GEMIN6: variants seen among roughly 807,000 people sequenced by gnomAD.
GEMIN6 encodes the protein gem nuclear organelle associated protein 6, also known as gem-associated protein 6.
Under a neutral mutation model 14.1 loss-of-function variants are expected in GEMIN6, and 13 were observed. That is an observed-to-expected ratio of 0.92 (90% confidence interval 0.60 to 1.46). The LOEUF (loss-of-function observed/expected upper bound fraction) is 1.46, where lower values mean the gene tolerates loss of function less well. GEMIN6 is among the 40% of genes most tolerant of loss of function. The probability of loss-of-function intolerance (pLI) is 0.00; values close to 1 mark genes in which losing one functional copy is unlikely to be tolerated. For synonymous variants in GEMIN6, 87 were observed against 70.0 expected (o/e 1.24, Z -1.21); for missense variants, 271 against 202.4 (o/e 1.34, Z -2.06).
At chr2:38,780,315 G>T (rs944480238) in intron 2 of GEMIN6, among the ~76,000 whole-genome samples, 13 of 146,324 alleles carry the variant, frequency 8.9e-5, no homozygotes, top group Non-Finnish European at 1.8e-4. Flanking sequence ...GCAAGACTCC[G>T]TCTCAAAAAA....
chr2:38,779,124 T>C lies in GEMIN6; in HGVS notation c.128+6T>C. 6.2e-7 allele frequency: 1 copy of C among 1,608,774 alleles called. No individual in the cohort carries two copies. Among genetic ancestry groups the C allele is most frequent in the Non-Finnish European group, 8.5e-7 (1 of 1,177,610 alleles). On this transcript the variant is annotated splice_donor_region_variant and intron_variant, in intron 2 of 2. Transcript: ENST00000281950. ...ACAGACCCAGTCTCTGCCAAGTGAGTATGCATCCTACTTGCCTGAAATCTT... is the reference window on the plus strand; with the variant it reads ...ACAGACCCAGTCTCTGCCAAGTGAGCATGCATCCTACTTGCCTGAAATCTT...
Position 38,779,596 on chromosome 2 carries a change from C to A in GEMIN6, c.128+478C>A, listed in dbSNP as rs193099709. ...CTGACTATGGATTACCTTATCAGACCAGGCAACTTCATAGAAATTGGGCAT... is the reference window on the plus strand; with the variant it reads ...CTGACTATGGATTACCTTATCAGACAAGGCAACTTCATAGAAATTGGGCAT... On this transcript the variant is annotated intron_variant, in intron 2 of 2. Coordinates refer to ENST00000281950, the MANE Select transcript of GEMIN6 (RefSeq NM_024775.10). 5.0e-3 allele frequency among the ~76,000 whole-genome samples: 662 copies of A among 132,898 alleles called. 6 individuals are homozygous for A. The highest frequency in any genetic ancestry group is 0.018 in the African/African-American group (636 of 34,790). The allele number at this position is 132,898 out of a possible 152,430, so 87.2% of individuals were successfully genotyped here.
At position 38,783,129 on chromosome 2, in the gene GEMIN6, C is replaced by G. The variant is rs968127526; in HGVS notation, c.*1237C>G. The G allele has an allele frequency of 6.5e-6, 1 of 152,686 alleles. No homozygotes were observed. 9.5% of individuals were successfully genotyped at this position (152,686 alleles called of 1,614,324 possible). A position where few individuals can be genotyped will look rare whatever the true frequency, so the allele number is the denominator to read the frequency against. ...AGGTGATCCGCCCGCCTCGGCCTCCCAAAGTTCTGGGATTACAGGTGTGAG... is the reference window on the plus strand; with the variant it reads ...AGGTGATCCGCCCGCCTCGGCCTCCGAAAGTTCTGGGATTACAGGTGTGAG... On this transcript the variant is annotated 3_prime_UTR_variant, in exon 3 of 3. Coordinates refer to ENST00000281950, the MANE Select transcript of GEMIN6 (RefSeq NM_024775.10).
rs771685081 is a variant in GEMIN6 at position 38,779,046 on chromosome 2, A to C, written c.56A>C (p.Glu19Ala). The C allele has an allele frequency of 1.9e-6, 3 of 1,613,924 alleles. No individual in the cohort carries two copies. In the South Asian group the frequency reaches 3.3e-5, roughly 18 times the overall value. ...PLEWQDYIYKEVRVTASEKNE... is the reference protein window; with the variant it reads ...PLEWQDYIYKAVRVTASEKNE... ...GAATGGCAAGATTACATTTACAAAG[A>C]GGTCCGAGTGACAGCCAGTGAGAAG... The change falls in exon 2 of 3, where the codon GAG (glutamate) becomes GCG (alanine). Residue 19 changes from glutamate (E) to alanine (A), a missense_variant. Coordinates refer to ENST00000281950, the MANE Select transcript of GEMIN6 (RefSeq NM_024775.10).
At chr2:38,780,728 A>G (rs558507987) in intron 2 of GEMIN6, among the ~76,000 whole-genome samples, 1 of 151,790 alleles carries the variant, frequency 6.6e-6, no homozygotes, top group African/African-American at 2.4e-5. Flanking sequence ...TCCCGGATTC[A>G]AGTGATTCTC....
chr2:38,780,925 G>A (rs760722452), intron 2 of GEMIN6, among the ~76,000 whole-genome samples: 5 of 150,688 alleles, frequency 3.3e-5, no homozygotes, highest in East Asian at 2.0e-4. Context: ...CACCATGCCC[G>A]GCCTAGTTAT....
At chr2:38,780,510 G>T (rs900298537) in intron 2 of GEMIN6, among the ~76,000 whole-genome samples, 4 of 147,430 alleles carry the variant, frequency 2.7e-5, no homozygotes, top group African/African-American at 1.0e-4. Flanking sequence ...GATTACAGGC[G>T]TGTATTTTTA....
rs778573363 is a variant in GEMIN6 at position 38,779,106 on chromosome 2, C to T, written c.116C>T (p.Pro39Leu). The T allele has an allele frequency of 1.9e-6, 3 of 1,612,342 alleles. No individual in the cohort carries two copies. In the African/African-American group the frequency reaches 4.0e-5, roughly 22 times the overall value. ...AAAGGATGGGTTTTAACTACAGACC[C>T]AGTCTCTGCCAAGTGAGTATGCATC... is the stretch of plus-strand genomic sequence containing the variant. Reference protein sequence around the residue: ...EYKGWVLTTDPVSANIVLVNF... With the variant: ...EYKGWVLTTDLVSANIVLVNF... Residue 39 changes from proline to leucine, a missense_variant, in exon 2 of 3, where the codon CCA becomes CTA. Transcript: ENST00000281950.
Position 38,778,890 on chromosome 2 carries a change from G to T in GEMIN6, c.-19-82G>T, listed in dbSNP as rs951071216. 4 of 1,223,576 alleles carry T rather than the reference G, an allele frequency of 3.3e-6. No individual in the cohort carries two copies. The African/African-American group carries it at 6.1e-5, about 19-fold the overall frequency. The allele number at this position is 1,223,576 out of a possible 1,614,324, so 75.8% of individuals were successfully genotyped here. The stretch of plus-strand genomic sequence containing the variant: ...TTGAGGCAAATCACAGATGTTCTCT[G>T]TCTCTAGGATAGGATGGAGATTAGG... On this transcript the variant is annotated intron_variant, in intron 1 of 2. Coordinates refer to ENST00000281950, the MANE Select transcript of GEMIN6 (RefSeq NM_024775.10).
At chr2:38,780,554 G>A (rs915263293) in intron 2 of GEMIN6, among the ~76,000 whole-genome samples, 7 of 151,196 alleles carry the variant, frequency 4.6e-5, no homozygotes, top group Non-Finnish European at 7.4e-5. Flanking sequence ...TAGCCAGGAC[G>A]GTCTCCATTT....
At chr2:38,781,314 T>C (rs1188377546) in intron 2 of GEMIN6, among the ~76,000 whole-genome samples, 1 of 152,200 alleles carries the variant, frequency 6.6e-6, no homozygotes, top group Non-Finnish European at 1.5e-5. Flanking sequence ...CATAACTTGT[T>C]TAATCCTTTA....
chr2:38,781,648 C>T lies in GEMIN6; in HGVS notation c.260C>T (p.Thr87Met), dbSNP rs75091572. Residue 87 changes from threonine to methionine, a missense_variant, in exon 3 of 3, where the codon ACG becomes ATG. Transcript: ENST00000281950. ...AGGGAGAAGCTGATGCATTTGTTCACGTCTGGAGACTGCAAAGCATACAGC... is the reference window on the plus strand; with the variant it reads ...AGGGAGAAGCTGATGCATTTGTTCATGTCTGGAGACTGCAAAGCATACAGC... ...RVREKLMHLFTSGDCKAYSPE... is the reference protein window; with the variant it reads ...RVREKLMHLFMSGDCKAYSPE... 1.7e-4 allele frequency: 270 copies of T among 1,614,150 alleles called. No homozygotes were observed. The African/African-American group carries it at 3.2e-3, about 19-fold the overall frequency.
rs1669104227 is a variant in GEMIN6, at chr2:38,782,028, A to G, written c.*136A>G. 1 of 864,684 alleles carries G rather than the reference A, an allele frequency of 1.2e-6. No individual in the cohort carries two copies. Among genetic ancestry groups the G allele is most frequent in the African/African-American group, 1.7e-5 (1 of 59,176 alleles). The allele number at this position is 864,684 out of a possible 1,614,324, so 53.6% of individuals were successfully genotyped here. A position where few individuals can be genotyped will look rare whatever the true frequency, so the allele number is the denominator to read the frequency against. On this transcript the variant is annotated 3_prime_UTR_variant, in exon 3 of 3. Transcript: ENST00000281950. The stretch of plus-strand genomic sequence containing the variant: ...AATTCTTTGTTGTTTTGGTAAAATC[A>G]GAGGAGTGGGTTATAAGTGCTAATT...
chr2:38,779,326 G>T (rs1307298337), intron 2 of GEMIN6: 1 of 514,046 alleles, frequency 1.9e-6, no homozygotes, highest in Non-Finnish European at 3.5e-6. Context: ...CACCTCGCAG[G>T]TTCAAGCGAT....
rs1273606276 is a variant in GEMIN6 at position 38,781,581 on chromosome 2, G to A, written c.193G>A (p.Val65Met). ...MSVTGIMGHA[V>M]QTVETMNEGD... ...TGTGACCGGAATTATGGGACATGCT[G>A]TGCAGACTGTTGAAACTATGAATGA... Residue 65 changes from valine to methionine, a missense_variant, in exon 3 of 3, where the codon GTG (valine) becomes ATG (methionine). Val to Met is a conservative substitution (Grantham distance 21). Coordinates refer to ENST00000281950, the MANE Select transcript of GEMIN6 (RefSeq NM_024775.10). 3 of 1,614,168 alleles carry A rather than the reference G, an allele frequency of 1.9e-6. No homozygotes were observed. The highest frequency in any genetic ancestry group is 3.3e-5 in the Admixed American group (2 of 60,000).
rs77662029 is a variant in GEMIN6, at chr2:38,779,615, T to A, written c.128+497T>A. 1.9e-3 allele frequency among the ~76,000 whole-genome samples: 242 copies of A among 130,504 alleles called. 4 individuals are homozygous for A. The East Asian group carries it at 0.05, about 27-fold the overall frequency. 85.6% of individuals were successfully genotyped at this position (130,504 alleles called of 152,430 possible). A position where few individuals can be genotyped will look rare whatever the true frequency, so the allele number is the denominator to read the frequency against. On this transcript the variant is annotated intron_variant, in intron 2 of 2. Coordinates refer to ENST00000281950, the MANE Select transcript of GEMIN6 (RefSeq NM_024775.10). ...TCAGACCAGGCAACTTCATAGAAAT[T>A]GGGCATAGAAATTATTCTTACTATA...
At chr2:38,779,672 T>A (rs867193863) in intron 2 of GEMIN6, among the ~76,000 whole-genome samples, 258 of 74,540 alleles carry the variant, frequency 3.5e-3, no homozygotes, top group African/African-American at 9.2e-3. Context: ...ATATTTTTTT[T>A]TTTTTTTTTT....
In GEMIN6 at chr2:38,778,567, C is replaced by T. The variant is rs548430503; in HGVS notation, c.-20+286C>T. On this transcript the variant is annotated intron_variant, in intron 1 of 2. Coordinates refer to ENST00000281950, the MANE Select transcript of GEMIN6 (RefSeq NM_024775.10). ...GAGGAGTGGGGTGAACTCCTTTGATCGATGGAAGGAAAAGCAGAGTTGAAG... is the reference window on the plus strand; with the variant it reads ...GAGGAGTGGGGTGAACTCCTTTGATTGATGGAAGGAAAAGCAGAGTTGAAG... Among the ~76,000 whole-genome samples the T allele has an allele frequency of 3.9e-5, 6 of 152,124 alleles. No individual in the cohort carries two copies. In the East Asian group the frequency reaches 1.2e-3, roughly 29 times the overall value.
chr2:38,783,178 T>C lies in GEMIN6; in HGVS notation c.*1286T>C. ...AGCCACCGTGCCCGGCTGTTTTTTG[T>C]GGGTTTTTTGTTTGTTTGTTTGTTT... On this transcript the variant is annotated 3_prime_UTR_variant, in exon 3 of 3. Coordinates refer to ENST00000281950, the MANE Select transcript of GEMIN6 (RefSeq NM_024775.10). 1 of 156,622 alleles carries C rather than the reference T, an allele frequency of 6.4e-6. No individual in the cohort carries two copies. Among genetic ancestry groups the C allele is most frequent in the Non-Finnish European group, 1.4e-5 (1 of 71,862 alleles). 9.7% of individuals were successfully genotyped at this position (156,622 alleles called of 1,614,324 possible). A position where few individuals can be genotyped will look rare whatever the true frequency, so the allele number is the denominator to read the frequency against.
Sources: gnomAD v4.1 joint callset for allele counts (sites outside exome capture counted in the v4.1 genomes callset) on GRCh38, gnomAD v4.1.1 for gene constraint, MANE v1.5 for transcripts, NCBI Gene and HGNC (gene_info 2026-07-23, HGNC 2026-07-21) for gene names.